The following MACF1 variants were observed in gnomAD, a reference collection of about 807,000 sequenced individuals.
MACF1 encodes microtubule actin crosslinking factor 1.
In MACF1, 193 loss-of-function variants were observed where a neutral mutation model predicts 854.8. The ratio of observed to expected loss-of-function variants is 0.23; its 90% confidence interval spans 0.20 to 0.25. The LOEUF is 0.25. MACF1 is among the 10% of genes least tolerant of loss of function. The probability of loss-of-function intolerance (pLI) is 1.00; values close to 1 mark genes in which losing one functional copy is unlikely to be tolerated. For synonymous variants in MACF1, 3,185 were observed against 3,226.7 expected, an observed-to-expected ratio of 0.99 and a Z score of 0.44; for missense variants, 7,722 against 8,929.1, an observed-to-expected ratio of 0.86 and a Z score of 5.45.
chr1:39,440,007 A>G (rs1049413282), intron 72 of MACF1, among the ~76,000 whole-genome samples: 1 of 152,038 alleles, frequency 6.6e-6, no homozygotes, highest in Non-Finnish European at 1.5e-5. Context: ...AATAAAAATC[A>G]ATTTTGGACT....
At position 39,316,373 on chromosome 1, in the gene MACF1, G is replaced by A. The variant is rs765125878; in HGVS notation, c.3450-18G>A. 22 of 1,590,116 alleles carry A rather than the reference G, an allele frequency of 1.4e-5. No homozygotes were observed. In the African/African-American group the frequency reaches 2.4e-4, roughly 18 times the overall value. On this transcript the variant is annotated intron_variant, in intron 27 of 100. Transcript: ENST00000564288. ...AAAATTCATGTGTTAATGAAGGAAT[G>A]TGTATTTGTCCCCACAGGTTAAAGA... is the stretch of plus-strand genomic sequence containing the variant.
chr1:39,189,057 A>G (rs1571152318), intron 2 of MACF1, among the ~76,000 whole-genome samples: 1 of 152,162 alleles, frequency 6.6e-6, no homozygotes, highest in African/African-American at 2.4e-5. Flanking sequence ...ATTTCATTTA[A>G]TATCCCTGTT....
intron 58 of MACF1, among the ~76,000 whole-genome samples, chr1:39,399,139 GC>G (rs1385857737): frequency 6.6e-6 from 1 of 152,108 alleles, no homozygotes; most frequent in Admixed American, 6.6e-5. Flanking sequence ...TTCTGTAAGT[GC>G]TTATCCTTCC....
intron 66 of MACF1, among the ~76,000 whole-genome samples, chr1:39,432,096 T>TAA (rs1200946082): frequency 6.6e-6 from 1 of 152,216 alleles, no homozygotes; most frequent in Non-Finnish European, 1.5e-5. Flanking sequence ...TTTTGGGGTC[T>TAA]TATGCTGCTT....
intron 2 of MACF1, among the ~76,000 whole-genome samples, chr1:39,095,036 T>C (rs1476895311): frequency 1.3e-5 from 2 of 152,172 alleles, no homozygotes; most frequent in Non-Finnish European, 2.9e-5. Flanking sequence ...CGAGTTGTTA[T>C]CCTGGAAGCT....
At position 39,485,571 on chromosome 1, in the gene MACF1, G is replaced by A. The variant is rs77696779; in HGVS notation, c.22445G>A (p.Arg7482Gln). The A allele has an allele frequency of 4.5e-4, 723 of 1,613,684 alleles. 3 individuals carry two copies. In the East Asian group the frequency reaches 8.6e-3, roughly 19 times the overall value. The stretch of plus-strand genomic sequence containing the variant: ...AAGTCTGCCAGTCGCCCTGGGAGTC[G>A]GGCTGGGAGTCGAGCCGGGAGTCGA... Reference protein sequence around the residue: ...PKKSASRPGSRAGSRAGSRAS... With the variant: ...PKKSASRPGSQAGSRAGSRAS... Residue 7482 changes from arginine (R) to glutamine (Q), a missense_variant, in exon 101 of 101, where the codon CGG (arginine) becomes CAG (glutamine). This residue lies in a region of MACF1 where 185 missense variants were observed against 225.7 expected (regional missense o/e 0.82). Transcript: ENST00000564288.
chr1:39,284,211 T>G, intron 10 of MACF1, 26 bp downstream of exon 10: 1 of 1,607,040 alleles, frequency 6.2e-7, no homozygotes, highest in Non-Finnish European at 8.5e-7. Flanking sequence ...TAAATTTTTT[T>G]GGTAAAATCT....
intron 58 of MACF1, among the ~76,000 whole-genome samples, chr1:39,396,802 C>T (rs1341983938): frequency 6.6e-6 from 1 of 152,170 alleles, no homozygotes; most frequent in Non-Finnish European, 1.5e-5. Context: ...CTGCACCAAA[C>T]CATCACTGTA....
intron 2 of MACF1, among the ~76,000 whole-genome samples, chr1:39,121,765 A>G (rs1449331092): frequency 2.0e-5 from 3 of 152,186 alleles, no homozygotes; most frequent in Non-Finnish European, 2.9e-5. Context: ...TTTAATTGTC[A>G]TAAATGATAT....
chr1:39,355,424 A>G (rs934231777), intron 44 of MACF1, among the ~76,000 whole-genome samples: 9 of 146,224 alleles, frequency 6.2e-5, no homozygotes, highest in African/African-American at 2.3e-4. Context: ...ATTGAGCAAG[A>G]TATATTTGTC....
intron 23 of MACF1, among the ~76,000 whole-genome samples, chr1:39,307,901 C>CTTTCTTTCTTTTTTTTTTTTTTT (rs1222230255): frequency 2.0e-5 from 1 of 50,392 alleles, no homozygotes; most frequent in African/African-American, 7.6e-5. Flanking sequence ...TTCTTTCTTT[C>CTTTCTTTCTTTTTTTTTTTTTTT]TTTTTTTTTT....
intron 58 of MACF1, among the ~76,000 whole-genome samples, chr1:39,396,150 CCAA>C (rs907504846): frequency 1.3e-5 from 2 of 152,034 alleles, no homozygotes; most frequent in Non-Finnish European, 2.9e-5. Flanking sequence ...ACCATTCTGG[CCAA>C]CATGGTGAAA....
At position 39,184,936 on chromosome 1, in the gene MACF1, G is replaced by T. The variant is rs972803988; in HGVS notation, c.221-46246G>T. 1.2e-4 allele frequency among the ~76,000 whole-genome samples: 18 copies of T among 152,074 alleles called. 1 individual carries two copies. Among genetic ancestry groups the T allele is most frequent in the African/African-American group, 3.9e-4 (16 of 41,394 alleles). ...TCATCTGAAGATGGCCTGGAAAAAG[G>T]GACTTTTAGGCTGCATAGGACACCA... is the stretch of plus-strand genomic sequence containing the variant. On this transcript the variant is annotated intron_variant, in intron 2 of 93. Transcript: ENST00000361689.
At chr1:39,285,869 T>A in intron 14 of MACF1, 111 bp downstream of exon 14, 1 of 1,240,978 alleles carries the variant, frequency 8.1e-7, no homozygotes, top group Middle Eastern at 2.8e-4. Flanking sequence ...ACATTTGAGG[T>A]CAGTGTCTCA....
rs779007756 is a variant in MACF1, at chr1:39,283,449, T to G, written c.849T>G (p.Thr283=). The G allele has an allele frequency of 6.2e-7, 1 of 1,613,016 alleles. No homozygotes were observed. Among genetic ancestry groups the G allele is most frequent in the East Asian group, 2.2e-5 (1 of 44,888 alleles). ...CTCCAGATGAAAAGTCTGTAATCAC[T>G]TATGTGTCTTCGATTTATGATGCCT... The part of the protein sequence containing the change: ...VPSPDEKSVI[T]YVSSIYDAFP... The change falls in exon 9 of 101, where the codon ACT becomes ACG. Residue 283 remains threonine (T), a synonymous_variant. Transcript: ENST00000564288. This position sits in a 1 kb window ranked among gnomAD's most constrained non-coding sequence, Gnocchi z 4.5.
rs1042370081 is a variant in MACF1 at position 39,159,064 on chromosome 1, C to A, written c.221-72118C>A. Among the ~76,000 whole-genome samples the A allele has an allele frequency of 2.4e-4, 36 of 152,142 alleles. 1 individual carries two copies. Among genetic ancestry groups the A allele is most frequent in the African/African-American group, 8.7e-4 (36 of 41,408 alleles). ...CTCCCTACCCTTTGTCCTTGCTGAT[C>A]GTGTGAGCACTTATTATGGTGTGTA... is the stretch of plus-strand genomic sequence containing the variant. On this transcript the variant is annotated intron_variant, in intron 2 of 93. Coordinates refer to the MACF1 transcript ENST00000361689.
intron 31 of MACF1, among the ~76,000 whole-genome samples, chr1:39,322,113 C>A (rs1252305858): frequency 1.3e-5 from 2 of 152,142 alleles, no homozygotes. Context: ...CTAATCCTAA[C>A]TCTGTTAACA....
At chr1:39,250,232 A>G in intron 3 of MACF1, 129 bp downstream of exon 3, 1 of 537,474 alleles carries the variant, frequency 1.9e-6, no homozygotes, top group Non-Finnish European at 3.3e-6. Context: ...AGTAGAAGGA[A>G]ATGTTGGGGG....
chr1:39,186,208 CTCTCTCTGTGTGTGTG>C (rs1425983198), intron 2 of MACF1, among the ~76,000 whole-genome samples: 1 of 62,256 alleles, frequency 1.6e-5, no homozygotes, highest in African/African-American at 7.0e-5. Context: ...CTCTCTCTCT[CTCTCTCTGTGTGTGTG>C]TGTGTGTGTG....
Sources: gnomAD v4.1 joint callset for allele counts (sites outside exome capture counted in the v4.1 genomes callset) on GRCh38, gnomAD v4.1.1 for gene constraint, gnomAD v4.1.1 regional missense constraint, Gnocchi (gnomAD v3.1) non-coding constraint, MANE v1.5 for transcripts, NCBI Gene and HGNC (gene_info 2026-07-23, HGNC 2026-07-21) for gene names.